Variants in PRMT8 observed in about 807,000 individuals in gnomAD.
The protein encoded by PRMT8 is protein arginine N-methyltransferase 8.
PRMT8 carries 7 observed loss-of-function variants against 47.1 expected under a neutral mutation model. The ratio of observed to expected loss-of-function variants is 0.15; its 90% CI spans 0.08 to 0.28. PRMT8 has a LOEUF of 0.28. PRMT8 is among the 10% of genes least tolerant of loss of function. The probability of loss-of-function intolerance (pLI) is 1.00; values close to 1 mark genes in which losing one functional copy is unlikely to be tolerated. For missense variants in PRMT8, 237 were observed against 505.4 expected, an observed-to-expected ratio of 0.47 and a Z score of 5.09; for synonymous variants, 188 against 186.5, an observed-to-expected ratio of 1.01 and a Z score of -0.07.
At chr12:3,530,277 G>A (rs1213208946) in intron 1 of PRMT8, among the ~76,000 whole-genome samples, 1 of 152,140 alleles carries the variant, frequency 6.6e-6, no homozygotes, top group East Asian at 1.9e-4. Context: ...TTTATGAAGG[G>A]CAACATTCAC....
At chr12:3,447,864 T>A (rs1270767627) in intron 1 of PRMT8, among the ~76,000 whole-genome samples, 1 of 152,188 alleles carries the variant, frequency 6.6e-6, no homozygotes, top group African/African-American at 2.4e-5. Flanking sequence ...AAACTACATG[T>A]ACTTGGGCAC....
Position 3,538,729 on chromosome 12 carries a change from G to T in PRMT8, c.76-1877G>T, listed in dbSNP as rs756488125. 9.6e-6 allele frequency: 5 copies of T among 518,896 alleles called. No individual in the cohort carries two copies. Among genetic ancestry groups the T allele is most frequent in the Non-Finnish European group, 1.9e-5 (5 of 259,872 alleles). The allele number at this position is 518,896 out of a possible 1,614,324, so 32.1% of individuals were successfully genotyped here. ...AGAGGTGATTCTGCAGCCTGCACAG[G>T]AGTGTGCACTTGACACAGTCTATTT... is the stretch of plus-strand genomic sequence containing the variant. On this transcript the variant is annotated intron_variant, in intron 1 of 9. Transcript: ENST00000382622. The surrounding 1 kb of genome is among the most constrained non-coding windows in gnomAD (Gnocchi z 4.6).
chr12:3,516,511 G>T (rs1374857433), intron 1 of PRMT8, among the ~76,000 whole-genome samples: 2 of 152,214 alleles, frequency 1.3e-5, no homozygotes, highest in Non-Finnish European at 2.9e-5. Context: ...AATATATGAA[G>T]TGGTGTCCGG....
intron 1 of PRMT8, among the ~76,000 whole-genome samples, chr12:3,518,104 G>T (rs767501331): frequency 1.3e-5 from 2 of 151,792 alleles, no homozygotes; most frequent in Non-Finnish European, 2.9e-5. Context: ...TCCCCAACAC[G>T]CTTGCCCCCC....
At chr12:3,430,056 C>G (rs1864657945) in intron 1 of PRMT8, among the ~76,000 whole-genome samples, 1 of 152,220 alleles carries the variant, frequency 6.6e-6, no homozygotes, top group African/African-American at 2.4e-5. Context: ...GGAGCACCGG[C>G]AGACTCATGT....
chr12:3,590,645 AAAAG>A lies in PRMT8; in HGVS notation c.980-1582_980-1579del, dbSNP rs1466307850. On this transcript the variant is annotated intron_variant, in intron 8 of 9. Coordinates refer to ENST00000382622, the MANE Select transcript of PRMT8 (RefSeq NM_019854.5). ...TATCCTTAGTCCTAAAAAAAAAAAA[AAAAG>A]AAATCCTGGTAGAGGAATGCAACAG... Among the ~76,000 whole-genome samples the A allele has an allele frequency of 6.3e-3, 961 of 152,038 alleles. 14 individuals carry two copies. The highest frequency in any genetic ancestry group is 0.022 in the African/African-American group (911 of 41,434).
intron 1 of PRMT8, among the ~76,000 whole-genome samples, chr12:3,470,613 C>T (rs192490486): frequency 1.0e-3 from 153 of 151,974 alleles, no homozygotes; most frequent in Admixed American, 2.4e-3. Context: ...GGGGAAACCT[C>T]CTTCCTGGAA....
chr12:3,462,226 T>C (rs146630541), intron 1 of PRMT8, among the ~76,000 whole-genome samples: 1 of 152,044 alleles, frequency 6.6e-6, no homozygotes, highest in East Asian at 1.9e-4. Flanking sequence ...CATGCTCTCA[T>C]TCCTTTTTAT....
intron 1 of PRMT8, among the ~76,000 whole-genome samples, chr12:3,406,448 T>G (rs1864373530): frequency 6.6e-6 from 1 of 152,246 alleles, no homozygotes; most frequent in Non-Finnish European, 1.5e-5. Context: ...GATTTTTCTT[T>G]TTTATTGCAT....
chr12:3,584,328 T>C lies in PRMT8; in HGVS notation c.979+1120T>C, dbSNP rs549078782. ...CCTCTTTTAAAGCCCTTTTCCCAAATACAGTCACATTCTCAGGTACTGGGG... is the reference window on the plus strand; with the variant it reads ...CCTCTTTTAAAGCCCTTTTCCCAAACACAGTCACATTCTCAGGTACTGGGG... On this transcript the variant is annotated intron_variant, in intron 8 of 9. Transcript: ENST00000382622. Among the ~76,000 whole-genome samples the C allele has an allele frequency of 7.2e-5, 11 of 152,298 alleles. No individual in the cohort carries two copies. In the East Asian group the frequency reaches 1.9e-3, roughly 27 times the overall value.
chr12:3,399,665 A>G (rs1034610731), intron 1 of PRMT8, among the ~76,000 whole-genome samples: 7 of 152,192 alleles, frequency 4.6e-5, no homozygotes, highest in African/African-American at 1.7e-4. Flanking sequence ...AGGGACAACC[A>G]TTACAGCATC....
chr12:3,430,304 A>C (rs752433881), intron 1 of PRMT8, among the ~76,000 whole-genome samples: 3 of 152,180 alleles, frequency 2.0e-5, no homozygotes, highest in Non-Finnish European at 4.4e-5. Context: ...TTGATTTTTA[A>C]CTACCAGGCC....
intron 1 of PRMT8, chr12:3,469,255 C>T: frequency 2.3e-6 from 1 of 434,146 alleles, no homozygotes; most frequent in Non-Finnish European, 4.5e-6. Flanking sequence ...CTGATTTAGA[C>T]CTTCACGTGC....
At chr12:3,438,914 T>G (rs1864771727) in intron 1 of PRMT8, among the ~76,000 whole-genome samples, 1 of 152,238 alleles carries the variant, frequency 6.6e-6, no homozygotes, top group Non-Finnish European at 1.5e-5. Flanking sequence ...TTTTCTTTCC[T>G]TTTTTACAAG....
intron 2 of PRMT8, among the ~76,000 whole-genome samples, chr12:3,549,497 CTT>C (rs34813997): frequency 9.7e-4 from 140 of 144,978 alleles, no homozygotes; most frequent in Middle Eastern, 3.5e-3. Context: ...ATTTTCTAGT[CTT>C]TTTTTTTTTT....
Position 3,557,682 on chromosome 12 carries a change from AGGGCAGAT to A in PRMT8, c.481+3971_481+3978del, listed in dbSNP as rs934971237. 3.3e-5 allele frequency among the ~76,000 whole-genome samples: 5 copies of A among 152,156 alleles called. No homozygotes were observed. Among genetic ancestry groups the A allele is most frequent in the African/African-American group, 1.2e-4 (5 of 41,454 alleles). On this transcript the variant is annotated intron_variant, in intron 4 of 9. Transcript: ENST00000382622. The surrounding 1 kb of genome is among the most constrained non-coding windows in gnomAD (Gnocchi z 4.7). Reference sequence around the variant, plus strand: ...CCTCCTTCTCCCCAACCTGTGAAATAGGGCAGATGGTTTTCCCCATTAACAGGTGTGGA... The same window carrying A: ...CCTCCTTCTCCCCAACCTGTGAAATAGGTTTTCCCCATTAACAGGTGTGGA...
chr12:3,418,486 C>T (rs1027056409), intron 1 of PRMT8, among the ~76,000 whole-genome samples: 1 of 152,172 alleles, frequency 6.6e-6, no homozygotes, highest in African/African-American at 2.4e-5. Context: ...TGGTCCTATC[C>T]TCCAAGCTGG....
At chr12:3,428,008 C>A (rs187825555) in intron 1 of PRMT8, among the ~76,000 whole-genome samples, 1 of 152,122 alleles carries the variant, frequency 6.6e-6, no homozygotes, top group Non-Finnish European at 1.5e-5. Context: ...TTCAATTATC[C>A]TTTGCTGTTA....
chr12:3,399,176 G>A (rs1160323246), intron 1 of PRMT8, among the ~76,000 whole-genome samples: 1 of 152,194 alleles, frequency 6.6e-6, no homozygotes, highest in Non-Finnish European at 1.5e-5. Flanking sequence ...GCTCACTAGT[G>A]TGTCTTCAAC....
Sources: allele counts gnomAD v4.1 joint callset (sites outside exome capture counted in the v4.1 genomes callset), GRCh38; gene constraint gnomAD v4.1.1; non-coding constraint Gnocchi (gnomAD v3.1); transcripts MANE v1.5; gene names NCBI Gene and HGNC (gene_info 2026-07-23, HGNC 2026-07-21).